CEBPZOS: variants seen among roughly 807,000 people sequenced by gnomAD.
CEBPZOS encodes the protein CEBPZ opposite strand.
CEBPZOS carries 10 observed loss-of-function variants against 4.8 expected under a neutral mutation model. The ratio of observed to expected loss-of-function variants is 2.07; its 90% CI spans 1.28 to 3.52. CEBPZOS has a LOEUF of 3.52. Among genes scored for constraint, CEBPZOS ranks in the 30% most tolerant of loss-of-function variants. The probability of loss-of-function intolerance (pLI) is 0.00; values close to 1 mark genes in which losing one functional copy is unlikely to be tolerated. For synonymous variants in CEBPZOS, 25 were observed against 14.2 expected, an observed-to-expected ratio of 1.77 and a Z score of -1.72; for missense variants, 98 against 43.6, an observed-to-expected ratio of 2.25 and a Z score of -3.51.
chr2:37,205,812 C>A (rs1029638613), downstream of CEBPZOS, among the ~76,000 whole-genome samples: 2 of 152,096 alleles, frequency 1.3e-5, no homozygotes, highest in African/African-American at 4.8e-5. Flanking sequence ...TTTATTAGCA[C>A]CTTGTGTTAC....
chr2:37,201,973 T>C lies in CEBPZOS; in HGVS notation c.*113T>C, dbSNP rs1428090996. The C allele has an allele frequency of 6.8e-7, 1 of 1,464,814 alleles. No individual in the cohort carries two copies. The highest frequency in any genetic ancestry group is 1.4e-5 in the African/African-American group (1 of 70,768). The allele number at this position is 1,464,814 out of a possible 1,614,324, so 90.7% of individuals were successfully genotyped here. On this transcript the variant is annotated 3_prime_UTR_variant, in exon 5 of 5. Transcript: ENST00000402297. ...CTCTTGGTGGTCCCACAGAACATGC[T>C]GCTGAGTCACAGGAACTTCTAGCCT...
Position 37,203,634 on chromosome 2 carries a change from T to C in CEBPZOS, c.*1774T>C, listed in dbSNP as rs1677394125. On this transcript the variant is annotated 3_prime_UTR_variant, in exon 5 of 5. Coordinates refer to ENST00000402297, the MANE Select transcript of CEBPZOS (RefSeq NM_001322374.2). ...CTGTTTTAAGTGTATTAACGCATTT[T>C]GGTAAATTTACAGACTTGTTCAACC... The C allele has an allele frequency of 6.6e-6, 1 of 152,226 alleles. No homozygotes were observed. The highest frequency in any genetic ancestry group is 1.5e-5 in the Non-Finnish European group (1 of 68,044). 9.4% of individuals were successfully genotyped at this position (152,226 alleles called of 1,614,324 possible).
At position 37,199,828 on chromosome 2, in the gene CEBPZOS, A is replaced by T. The variant is rs1176702108; in HGVS notation, c.115+9A>T. On this transcript the variant is annotated intron_variant, in intron 2 of 4. Transcript: ENST00000402297. ...GATGCACACAAGCCAAGGTAATCATAATTCAGAAGTTAATGCTTTCTAAAG... is the reference window on the plus strand; with the variant it reads ...GATGCACACAAGCCAAGGTAATCATTATTCAGAAGTTAATGCTTTCTAAAG... 1.4e-6 allele frequency: 1 copy of T among 717,076 alleles called. No individual in the cohort carries two copies. The highest frequency in any genetic ancestry group is 2.7e-5 in the East Asian group (1 of 37,274). 44.4% of individuals were successfully genotyped at this position (717,076 alleles called of 1,614,324 possible). A position where few individuals can be genotyped will look rare whatever the true frequency, so the allele number is the denominator to read the frequency against.
chr2:37,216,091 T>C, downstream of CEBPZOS: 1 of 1,322,916 alleles, frequency 7.6e-7, no homozygotes, highest in South Asian at 1.3e-5. Context: ...TTATGCATCT[T>C]TGTCTTATAT....
Position 37,203,528 on chromosome 2 carries a change from C to G in CEBPZOS, c.*1668C>G, listed in dbSNP as rs1231920120. The stretch of plus-strand genomic sequence containing the variant: ...TCCTGAAACAATTATTCAAACTCTG[C>G]ATCTTTGATATCAATGTCTCTAGCA... On this transcript the variant is annotated 3_prime_UTR_variant, in exon 5 of 5. Coordinates refer to ENST00000402297, the MANE Select transcript of CEBPZOS (RefSeq NM_001322374.2). 1 of 152,192 alleles carries G rather than the reference C, an allele frequency of 6.6e-6. No individual in the cohort carries two copies. Among genetic ancestry groups the G allele is most frequent in the Non-Finnish European group, 1.5e-5 (1 of 68,034 alleles). 9.4% of individuals were successfully genotyped at this position (152,192 alleles called of 1,614,324 possible).
chr2:37,199,197 T>C (rs1020717445), intron 1 of CEBPZOS, among the ~76,000 whole-genome samples: 2 of 152,010 alleles, frequency 1.3e-5, no homozygotes, highest in African/African-American at 4.8e-5. Context: ...ATATAGGATA[T>C]CTATACTATC....
chr2:37,213,368 G>A (rs944051590), intron 4 of CEBPZOS: 5 of 152,698 alleles, frequency 3.3e-5, no homozygotes, highest in African/African-American at 1.2e-4. Flanking sequence ...GTATTTTTCT[G>A]GTGCAAATGT....
rs1375303548 is a variant in CEBPZOS, at chr2:37,203,653, T to G, written c.*1793T>G. On this transcript the variant is annotated 3_prime_UTR_variant, in exon 5 of 5. Transcript: ENST00000402297. The stretch of plus-strand genomic sequence containing the variant: ...GCATTTTGGTAAATTTACAGACTTG[T>G]TCAACCACAACCACAGTCTGATTTT... The G allele has an allele frequency of 6.6e-6, 1 of 152,214 alleles. No individual in the cohort carries two copies. The highest frequency in any genetic ancestry group is 1.5e-5 in the Non-Finnish European group (1 of 68,036). 9.4% of individuals were successfully genotyped at this position (152,214 alleles called of 1,614,324 possible).
downstream of CEBPZOS, among the ~76,000 whole-genome samples, chr2:37,206,005 G>T (rs1169302422): frequency 6.6e-6 from 1 of 152,218 alleles, no homozygotes; most frequent in Non-Finnish European, 1.5e-5. Context: ...TAATTGAATG[G>T]TTTAAAAATG....
Position 37,200,142 on chromosome 2 carries a change from C to T in CEBPZOS, c.115+323C>T, listed in dbSNP as rs977642856. Among the ~76,000 whole-genome samples the T allele has an allele frequency of 1.4e-4, 21 of 152,270 alleles. No individual in the cohort carries two copies. The East Asian group carries it at 4.0e-3, about 29-fold the overall frequency. On this transcript the variant is annotated intron_variant, in intron 2 of 4. Coordinates refer to ENST00000402297, the MANE Select transcript of CEBPZOS (RefSeq NM_001322374.2). ...GAGGAAACTTAGCCTGCCCATTATA[C>T]TTCATTGTTTGGTAGACTAAGAAAG...
downstream of CEBPZOS, chr2:37,209,609 A>G (rs1205138288): frequency 1.3e-5 from 2 of 152,212 alleles, no homozygotes; most frequent in African/African-American, 4.8e-5. Flanking sequence ...ATTAAACTGG[A>G]TCCTCATTTC....
At chr2:37,199,896 G>A (rs1320886796) in intron 2 of CEBPZOS, 77 bp downstream of exon 2, 1 of 655,852 alleles carries the variant, frequency 1.5e-6, no homozygotes. Context: ...AAATGGCAAT[G>A]GCATGTTTGG....
downstream of CEBPZOS, among the ~76,000 whole-genome samples, chr2:37,207,946 A>G (rs1359865705): frequency 1.3e-5 from 2 of 152,182 alleles, no homozygotes; most frequent in African/African-American, 4.8e-5. Context: ...AATAAGCTCA[A>G]TTAGAGACGA....
downstream of CEBPZOS, among the ~76,000 whole-genome samples, chr2:37,214,465 G>A (rs1206297428): frequency 6.6e-6 from 1 of 151,908 alleles, no homozygotes; most frequent in East Asian, 1.9e-4. Flanking sequence ...TAAACTTAAA[G>A]TATTATATTA....
intron 3 of CEBPZOS, 157 bp downstream of exon 3, chr2:37,201,249 A>C (rs185567209): frequency 3.4e-6 from 2 of 582,778 alleles, no homozygotes; most frequent in Non-Finnish European, 6.1e-6. Flanking sequence ...GTGAGAGGAG[A>C]ATTAGGTAAT....
Position 37,203,076 on chromosome 2 carries a change from C to T in CEBPZOS, c.*1216C>T. 6 of 1,072,416 alleles carry T rather than the reference C, an allele frequency of 5.6e-6. No individual in the cohort carries two copies. Among genetic ancestry groups the T allele is most frequent in the South Asian group, 3.4e-5 (2 of 58,758 alleles). The allele number at this position is 1,072,416 out of a possible 1,614,324, so 66.4% of individuals were successfully genotyped here. Reference sequence around the variant, plus strand: ...ATGATTTTAGAAAAATGCAATGCAACATGATTTTATTTTAAAAATTATACT... The same window carrying T: ...ATGATTTTAGAAAAATGCAATGCAATATGATTTTATTTTAAAAATTATACT... On this transcript the variant is annotated 3_prime_UTR_variant, in exon 5 of 5. Coordinates refer to ENST00000402297, the MANE Select transcript of CEBPZOS (RefSeq NM_001322374.2).
At chr2:37,201,022 T>C (rs1677202761) in intron 2 of CEBPZOS, 26 bp from the exon 3 acceptor site, 1 of 714,744 alleles carries the variant, frequency 1.4e-6, no homozygotes, top group African/African-American at 1.8e-5. Flanking sequence ...TCATATCTAA[T>C]TTCAAGACAT....
chr2:37,212,380 T>C (rs1478890965), intron 4 of CEBPZOS: 1 of 1,613,432 alleles, frequency 6.2e-7, no homozygotes, highest in Non-Finnish European at 8.5e-7. Flanking sequence ...ACAGTTATCA[T>C]CTTCAAATGT....
intron 3 of CEBPZOS, 68 bp from the exon 4 acceptor site, chr2:37,201,574 T>A (rs1677234960): frequency 1.5e-6 from 1 of 652,710 alleles, no homozygotes; most frequent in Admixed American, 2.9e-5. Flanking sequence ...AAGTTGTTTT[T>A]TTCAATACAT....
Sources: allele counts gnomAD v4.1 joint callset (sites outside exome capture counted in the v4.1 genomes callset), GRCh38; gene constraint gnomAD v4.1.1; transcripts MANE v1.5; gene names NCBI Gene and HGNC (gene_info 2026-07-23, HGNC 2026-07-21).